The following KIF1B variants were observed in gnomAD, a reference collection of about 807,000 sequenced individuals.
KIF1B encodes the protein kinesin-like protein KIF1B.
Under a neutral mutation model 241.9 loss-of-function variants are expected in KIF1B, and 76 were observed. That is an observed-to-expected ratio of 0.31 (90% CI 0.26 to 0.38). KIF1B has a LOEUF of 0.38. Ranked by LOEUF, KIF1B falls within the 10% of genes least tolerant of loss-of-function variation. The pLI, the probability that KIF1B is intolerant of heterozygous loss-of-function variation, is 1.00. For missense variants in KIF1B, 1,622 were observed against 2,271.4 expected (o/e 0.71, Z 5.81); for synonymous variants, 750 against 796.7 (o/e 0.94, Z 0.99).
At chr1:10,250,361 C>A (rs555066587) in intron 2 of KIF1B, among the ~76,000 whole-genome samples, 14 of 136,856 alleles carry the variant, frequency 1.0e-4, no homozygotes, top group African/African-American at 3.2e-4. Context: ...TTTTTTGAAA[C>A]GGAGCCTCGC....
chr1:10,251,273 G>A (rs368362919), intron 2 of KIF1B, among the ~76,000 whole-genome samples: 1 of 151,972 alleles, frequency 6.6e-6, no homozygotes, highest in East Asian at 1.9e-4. Context: ...TATTGAAGAA[G>A]AGGAAAAGGA....
rs879223574 is a variant in KIF1B, at chr1:10,326,881, C to G, written c.2924+522C>G. Among the ~76,000 whole-genome samples, 1 of 152,168 alleles carries G rather than the reference C, an allele frequency of 6.6e-6. No individual in the cohort carries two copies. The highest frequency in any genetic ancestry group is 1.9e-4 in the East Asian group (1 of 5,194). ...TTAAATTTATTTTTTGCTTAGTCTA[C>G]TGAATCCTAAAAAGAATCAGGAAAG... On this transcript the variant is annotated intron_variant, in intron 27 of 48. Transcript: ENST00000676179. This position sits in a 1 kb window ranked among gnomAD's most constrained non-coding sequence, Gnocchi z 5.2.
intron 3 of KIF1B, among the ~76,000 whole-genome samples, chr1:10,258,180 T>C (rs1647909292): frequency 6.6e-6 from 1 of 152,260 alleles, no homozygotes; most frequent in Non-Finnish European, 1.5e-5. Flanking sequence ...AAATCTTGGC[T>C]GTGTGAATGA....
At chr1:10,256,959 G>A (rs1222410931) in intron 3 of KIF1B, among the ~76,000 whole-genome samples, 1 of 151,994 alleles carries the variant, frequency 6.6e-6, no homozygotes, top group Non-Finnish European at 1.5e-5. Context: ...TGATCCACCT[G>A]TGTTTGCCTC....
In KIF1B at chr1:10,303,433, A is replaced by C. The variant is rs1232625120; in HGVS notation, c.2115+6187A>C. 2 of 1,614,242 alleles carry C rather than the reference A, an allele frequency of 1.2e-6. No individual in the cohort carries two copies. The highest frequency in any genetic ancestry group is 1.7e-5 in the Admixed American group (1 of 60,028). On this transcript the variant is annotated intron_variant, in intron 22 of 48. Coordinates refer to ENST00000676179, the MANE Select transcript of KIF1B (RefSeq NM_001365951.3). This position sits in a 1 kb window ranked among gnomAD's most constrained non-coding sequence, Gnocchi z 5.2. ...AGAGATTTGCTATGAGGTTGCTCTC[A>C]ATGACTTCAGGCACAGTCGGCAGGA...
At chr1:10,230,427 GT>G (rs144336518) in intron 1 of KIF1B, among the ~76,000 whole-genome samples, 46 of 142,792 alleles carry the variant, frequency 3.2e-4, no homozygotes, top group African/African-American at 8.5e-4. Context: ...AAAATTGGTT[GT>G]TTTTTTTTTC....
chr1:10,359,085 A>G (rs1316667305), intron 38 of KIF1B, among the ~76,000 whole-genome samples: 1 of 152,202 alleles, frequency 6.6e-6, no homozygotes, highest in Non-Finnish European at 1.5e-5. Context: ...GACCTCATAC[A>G]CTGCCACTTG....
chr1:10,244,479 T>G (rs961489612), intron 2 of KIF1B, among the ~76,000 whole-genome samples: 1 of 151,838 alleles, frequency 6.6e-6, no homozygotes, highest in African/African-American at 2.4e-5. Context: ...TACGCCCGGC[T>G]AATTTTTGTA....
At chr1:10,263,384 T>C (rs1648265529) in intron 5 of KIF1B, among the ~76,000 whole-genome samples, 1 of 152,110 alleles carries the variant, frequency 6.6e-6, no homozygotes, top group South Asian at 2.1e-4. Flanking sequence ...GGTATTCACT[T>C]TCATAGTAAC....
intron 22 of KIF1B, among the ~76,000 whole-genome samples, chr1:10,312,223 C>A (rs370415605): frequency 4.1e-4 from 62 of 151,590 alleles, no homozygotes; most frequent in Middle Eastern, 6.8e-3. Context: ...AAATCCAAGT[C>A]ACCTTTAGTT....
Position 10,232,340 on chromosome 1 carries a change from C to T in KIF1B, c.12C>T (p.Ala4=). The change falls in exon 2 of 49, where the codon GCC becomes GCT. Residue 4 remains alanine, a synonymous_variant. Coordinates refer to ENST00000676179, the MANE Select transcript of KIF1B (RefSeq NM_001365951.3). The part of the protein sequence containing the change: MSG[A]SVKVAVRVRP... ...ACAAGGCCATTAAAATGTCGGGAGC[C>T]TCAGTGAAGGTGGCTGTCCGGGTAA... 1 of 1,612,746 alleles carries T rather than the reference C, an allele frequency of 6.2e-7. No individual in the cohort carries two copies. Among genetic ancestry groups the T allele is most frequent in the South Asian group, 1.1e-5 (1 of 90,978 alleles).
At chr1:10,291,569 G>A (rs551982998) in intron 16 of KIF1B, among the ~76,000 whole-genome samples, 2 of 152,004 alleles carry the variant, frequency 1.3e-5, no homozygotes, top group Non-Finnish European at 2.9e-5. Flanking sequence ...CAAATTAGCC[G>A]GGCATGGTGG....
intron 1 of KIF1B, among the ~76,000 whole-genome samples, chr1:10,214,924 T>A (rs1646743291): frequency 6.6e-6 from 1 of 151,636 alleles, no homozygotes; most frequent in Non-Finnish European, 1.5e-5. Flanking sequence ...TAACTCCAAC[T>A]CCTTTTCATT....
At chr1:10,293,086 C>CTTTTT (rs33954582) in intron 17 of KIF1B, among the ~76,000 whole-genome samples, 2 of 144,990 alleles carry the variant, frequency 1.4e-5, no homozygotes, top group Non-Finnish European at 1.5e-5. Context: ...GGCCACATAA[C>CTTTTT]TTTTTTTTTT....
chr1:10,294,921 G>T (rs115417899), intron 17 of KIF1B, among the ~76,000 whole-genome samples, 165 bp from the exon 18 acceptor site: 2,851 of 152,172 alleles, frequency 0.019, 40 homozygotes, highest in Non-Finnish European at 0.028. Context: ...GAGGCCTGAA[G>T]AGAGTGTTTT....
intron 34 of KIF1B, among the ~76,000 whole-genome samples, chr1:10,344,488 C>T (rs182750576): frequency 6.6e-6 from 1 of 152,196 alleles, no homozygotes; most frequent in Non-Finnish European, 1.5e-5. Context: ...GTGCCTCTTT[C>T]ACATCACCAT....
At chr1:10,253,141 C>T (rs555805401) in intron 2 of KIF1B, among the ~76,000 whole-genome samples, 26 of 152,318 alleles carry the variant, frequency 1.7e-4, no homozygotes, top group African/African-American at 5.5e-4. Flanking sequence ...CTTGACAATG[C>T]TGCATATAGG....
At chr1:10,266,060 G>A (rs1482348109) in intron 5 of KIF1B, among the ~76,000 whole-genome samples, 1 of 152,060 alleles carries the variant, frequency 6.6e-6, no homozygotes, top group Non-Finnish European at 1.5e-5. Context: ...ATCGTAATGT[G>A]GCCTATTGTG....
Position 10,263,500 on chromosome 1 carries a change from A to T in KIF1B, c.429+1530A>T, listed in dbSNP as rs541638271. Among the ~76,000 whole-genome samples the T allele has an allele frequency of 2.7e-4, 41 of 151,828 alleles. No homozygotes were observed. The East Asian group carries it at 5.4e-3, about 20-fold the overall frequency. On this transcript the variant is annotated intron_variant, in intron 5 of 48. Coordinates refer to ENST00000676179, the MANE Select transcript of KIF1B (RefSeq NM_001365951.3). ...TCTTTTCTTTTTGGTATTTGTTCTG[A>T]TTCTCTGTAGCCTTACAGCATTTCA... is the stretch of plus-strand genomic sequence containing the variant.
Sources: gnomAD v4.1 joint callset for allele counts (sites outside exome capture counted in the v4.1 genomes callset) on GRCh38, gnomAD v4.1.1 for gene constraint, Gnocchi (gnomAD v3.1) non-coding constraint, MANE v1.5 for transcripts, NCBI Gene and HGNC (gene_info 2026-07-23, HGNC 2026-07-21) for gene names.